Variants in VPS13D observed in about 807,000 individuals in gnomAD.
VPS13D encodes vacuolar protein sorting 13 homolog D, also known as intermembrane lipid transfer protein VPS13D.
Under a neutral mutation model 461.9 loss-of-function variants are expected in VPS13D, and 187 were observed. The observed-to-expected ratio is 0.40, with a 90% CI of 0.36 to 0.46. VPS13D has a LOEUF of 0.46. VPS13D is among the 20% of genes least tolerant of loss of function. VPS13D has a pLI of 0.60. For synonymous variants in VPS13D, 1,951 were observed against 1,986.3 expected, an observed-to-expected ratio of 0.98 and a Z score of 0.47; for missense variants, 4,711 against 5,364.9, an observed-to-expected ratio of 0.88 and a Z score of 3.81.
intron 22 of VPS13D, among the ~76,000 whole-genome samples, chr1:12,289,262 C>G (rs1016882427): frequency 6.6e-6 from 1 of 151,940 alleles, no homozygotes; most frequent in Non-Finnish European, 1.5e-5. Flanking sequence ...TTTTTTTAAA[C>G]TATAGAGACA....
At chr1:12,324,015 T>C (rs887933282) in intron 35 of VPS13D, among the ~76,000 whole-genome samples, 3 of 152,146 alleles carry the variant, frequency 2.0e-5, no homozygotes, top group African/African-American at 4.8e-5. Context: ...TTCAAGCCAT[T>C]CTTCTGCCTC....
Position 12,256,488 on chromosome 1 carries a change from C to T in VPS13D, c.825C>T (p.Pro275=). ...GTGATATTCAGCTGGAGACCATTCC[C>T]TTGAAACTCTCTCAGGTATGCCCTT... ...IDCDIQLETI[P]LKLSQLQYRQ... Residue 275 remains proline (P), a synonymous_variant, in exon 8 of 70, where the codon CCC becomes CCT. Coordinates refer to ENST00000620676, the MANE Select transcript of VPS13D (RefSeq NM_015378.4). 6.2e-7 allele frequency: 1 copy of T among 1,614,086 alleles called. No homozygotes were observed. Among genetic ancestry groups the T allele is most frequent in the Non-Finnish European group, 8.5e-7 (1 of 1,179,994 alleles).
intron 7 of VPS13D, among the ~76,000 whole-genome samples, chr1:12,254,823 C>T (rs1017518302): frequency 3.9e-5 from 6 of 152,000 alleles, no homozygotes; most frequent in Admixed American, 2.0e-4. Context: ...CTACCACACC[C>T]GGCCAGTTTA....
Position 12,282,921 on chromosome 1 carries a change from T to G in VPS13D, c.4819T>G (p.Leu1607Val). 6.2e-7 allele frequency: 1 copy of G among 1,614,162 alleles called. No homozygotes were observed. The highest frequency in any genetic ancestry group is 8.5e-7 in the Non-Finnish European group (1 of 1,180,012). Reference protein sequence around the residue: ...SSLSNTSQKSLSVKEVKSFTQ... With the variant: ...SSLSNTSQKSVSVKEVKSFTQ... ...CCTTTCTAACACCTCTCAGAAGTCA[T>G]TGTCAGTGAAGGAAGTCAAATCCTT... The change falls in exon 21 of 70, where the codon TTG becomes GTG. Residue 1607 changes from leucine to valine, a missense_variant. Leu to Val is a conservative substitution (Grantham distance 32). Transcript: ENST00000620676.
chr1:12,505,232 CTCTGTCTGTCTT>C lies in VPS13D; in HGVS notation c.12795-1613_12795-1602del, dbSNP rs1646089477. Among the ~76,000 whole-genome samples, 1 of 152,166 alleles carries C rather than the reference CTCTGTCTGTCTT, an allele frequency of 6.6e-6. No homozygotes were observed. Among genetic ancestry groups the C allele is most frequent in the African/African-American group, 2.4e-5 (1 of 41,432 alleles). Reference sequence around the variant, plus strand: ...CTGTGTCAGGATCATTTTTATCCCTCTCTGTCTGTCTTTCTGTCTTTCCCTGTGCCCTCCTTT... The same window carrying C: ...CTGTGTCAGGATCATTTTTATCCCTCTCTGTCTTTCCCTGTGCCCTCCTTT... On this transcript the variant is annotated intron_variant, in intron 68 of 69. Coordinates refer to ENST00000620676, the MANE Select transcript of VPS13D (RefSeq NM_015378.4). The surrounding 1 kb of genome is among the most constrained non-coding windows in gnomAD (Gnocchi z 4.2).
intron 67 of VPS13D, among the ~76,000 whole-genome samples, chr1:12,482,784 G>A (rs932913640): frequency 2.7e-5 from 4 of 148,082 alleles, no homozygotes; most frequent in Non-Finnish European, 4.4e-5. Flanking sequence ...TGTATACATA[G>A]TATACATATA....
chr1:12,391,493 A>G (rs1644425809), intron 60 of VPS13D, among the ~76,000 whole-genome samples: 1 of 137,090 alleles, frequency 7.3e-6, no homozygotes, highest in African/African-American at 3.3e-5. Context: ...CCAATCACAT[A>G]TATACCACTT....
intron 36 of VPS13D, among the ~76,000 whole-genome samples, chr1:12,329,076 T>C (rs191672682): frequency 9.2e-5 from 14 of 152,354 alleles, no homozygotes; most frequent in African/African-American, 2.6e-4. Context: ...ATGAATATCT[T>C]TTCTGCAGAG....
chr1:12,266,308 C>T (rs1170786202), intron 13 of VPS13D, among the ~76,000 whole-genome samples: 1 of 152,214 alleles, frequency 6.6e-6, no homozygotes, highest in East Asian at 1.9e-4. Flanking sequence ...CTTTATCAAA[C>T]AGCATCACCT....
rs1393830170 is a variant in VPS13D, at chr1:12,505,162, T to C, written c.12795-1691T>C. Among the ~76,000 whole-genome samples the C allele has an allele frequency of 6.7e-6, 1 of 150,000 alleles. No homozygotes were observed. The highest frequency in any genetic ancestry group is 1.5e-5 in the Non-Finnish European group (1 of 68,026). On this transcript the variant is annotated intron_variant, in intron 68 of 69. Coordinates refer to ENST00000620676, the MANE Select transcript of VPS13D (RefSeq NM_015378.4). The surrounding 1 kb of genome is among the most constrained non-coding windows in gnomAD (Gnocchi z 4.2). ...GGGTGTAGGCTGCTTCCGGGTCTCA[T>C]CTCAGATCCCCGCCAGTTCTGGCTG... is the stretch of plus-strand genomic sequence containing the variant.
chr1:12,412,184 A>G (rs1644738528), intron 63 of VPS13D, among the ~76,000 whole-genome samples: 1 of 152,276 alleles, frequency 6.6e-6, no homozygotes, highest in African/African-American at 2.4e-5. Flanking sequence ...ATGAAGGGAC[A>G]TACCATGTCG....
At chr1:12,481,669 A>G (rs1645719175) in intron 67 of VPS13D, among the ~76,000 whole-genome samples, 1 of 152,184 alleles carries the variant, frequency 6.6e-6, no homozygotes, top group South Asian at 2.1e-4. Flanking sequence ...GGGATGGGGA[A>G]AGGAGAACAT....
chr1:12,357,296 T>G (rs1643894057), intron 49 of VPS13D, among the ~76,000 whole-genome samples: 1 of 152,086 alleles, frequency 6.6e-6, no homozygotes, highest in Admixed American at 6.5e-5. Flanking sequence ...AAGGTTGGAG[T>G]GTAGATTACC....
At chr1:12,267,356 G>A (rs529465212) in intron 14 of VPS13D, among the ~76,000 whole-genome samples, 10 of 152,158 alleles carry the variant, frequency 6.6e-5, no homozygotes, top group African/African-American at 1.4e-4. Flanking sequence ...ATGAAATCTC[G>A]TCTCGCCAGG....
intron 57 of VPS13D, among the ~76,000 whole-genome samples, chr1:12,381,968 T>TTCTTTCTTTCTTTCTG (rs1644284694): frequency 1.4e-5 from 2 of 141,656 alleles, no homozygotes. Context: ...CTTTCTTTCT[T>TTCTTTCTTTCTTTCTG]TCTTTCTTTC....
Position 12,304,609 on chromosome 1 carries a change from C to T in VPS13D, c.6320C>T (p.Thr2107Met), listed in dbSNP as rs112983641. 5.6e-5 allele frequency: 91 copies of T among 1,614,098 alleles called. 1 individual carries two copies. The highest frequency in any genetic ancestry group is 2.3e-4 in the African/African-American group (17 of 75,018). The change falls in exon 26 of 70, where the codon ACG becomes ATG. Residue 2107 changes from threonine to methionine, a missense_variant. By Grantham distance (81) the Thr-to-Met change is moderately conservative. This residue lies in a region of VPS13D where 4,411 missense variants were observed against 4,937.8 expected (regional missense o/e 0.89). Coordinates refer to ENST00000620676, the MANE Select transcript of VPS13D (RefSeq NM_015378.4). ...GGAACCCATTCCCAGGGGCAGTTCA[C>T]GATGCCTCTTGCTGGAATGAGCCTA... is the stretch of plus-strand genomic sequence containing the variant. ...PRGTHSQGQFTMPLAGMSLGS... is the reference protein window; with the variant it reads ...PRGTHSQGQFMMPLAGMSLGS...
rs376601277 is a variant in VPS13D, at chr1:12,293,514, T to C, written c.5853-10T>C. ...TGTTATCTGAGTCACACTTTTATCC[T>C]AATTTTTAGATACGGACGGCCTGAC... On this transcript the variant is annotated splice_polypyrimidine_tract_variant and intron_variant, in intron 23 of 69. Coordinates refer to ENST00000620676, the MANE Select transcript of VPS13D (RefSeq NM_015378.4). 16 of 1,589,134 alleles carry C rather than the reference T, an allele frequency of 1.0e-5. No individual in the cohort carries two copies. In the African/African-American group the frequency reaches 2.0e-4, roughly 20 times the overall value.
chr1:12,403,993 A>G lies in VPS13D; in HGVS notation c.12030+20A>G. ...CTTAAGGTGAGCTGCTATTTGGGTA[A>G]ATTTTTTTAGATGATTTTTCCTTGG... On this transcript the variant is annotated intron_variant, in intron 63 of 69. Coordinates refer to ENST00000620676, the MANE Select transcript of VPS13D (RefSeq NM_015378.4). The G allele has an allele frequency of 6.4e-7, 1 of 1,564,616 alleles. No individual in the cohort carries two copies. Among genetic ancestry groups the G allele is most frequent in the South Asian group, 1.2e-5 (1 of 82,948 alleles).
chr1:12,505,620 C>T lies in VPS13D; in HGVS notation c.12795-1233C>T, dbSNP rs1396505595. On this transcript the variant is annotated intron_variant, in intron 68 of 69. Coordinates refer to ENST00000620676, the MANE Select transcript of VPS13D (RefSeq NM_015378.4). The surrounding 1 kb of genome is among the most constrained non-coding windows in gnomAD (Gnocchi z 4.2). ...TGGACTCCACTTAGAGGGCTCACCT[C>T]GTAGTCAGCAAAGAGACTTATCCAG... Among the ~76,000 whole-genome samples, 3 of 152,160 alleles carry T rather than the reference C, an allele frequency of 2.0e-5. No individual in the cohort carries two copies. The highest frequency in any genetic ancestry group is 6.5e-5 in the Admixed American group (1 of 15,274).
Sources: gnomAD v4.1 joint callset for allele counts (sites outside exome capture counted in the v4.1 genomes callset) on GRCh38, gnomAD v4.1.1 for gene constraint, gnomAD v4.1.1 regional missense constraint, Gnocchi (gnomAD v3.1) non-coding constraint, MANE v1.5 for transcripts, NCBI Gene and HGNC (gene_info 2026-07-23, HGNC 2026-07-21) for gene names.